RAB6A: variants seen among roughly 807,000 people sequenced by gnomAD.
RAB6A encodes the protein ras-related protein Rab-6A.
RAB6A carries 8 observed loss-of-function variants against 32.3 expected under a neutral mutation model. The ratio of observed to expected loss-of-function variants is 0.25; its 90% CI spans 0.15 to 0.45. The LOEUF is 0.45. Ranked by LOEUF, RAB6A falls within the 20% of genes least tolerant of loss-of-function variation. The pLI, the probability that RAB6A is intolerant of heterozygous loss-of-function variation, is 1.00. For synonymous variants in RAB6A, 73 were observed against 82.1 expected (o/e 0.89, Z 0.60); for missense variants, 104 against 249.4 (o/e 0.42, Z 3.93).
At chr11:73,714,802 C>T (rs1946028941) in intron 5 of RAB6A, among the ~76,000 whole-genome samples, 1 of 151,426 alleles carries the variant, frequency 6.6e-6, no homozygotes, top group Middle Eastern at 3.4e-3. Context: ...CCCGTCTCTA[C>T]TAAAAATACA....
chr11:73,755,782 G>C (rs1590897595), intron 1 of RAB6A, among the ~76,000 whole-genome samples: 1 of 149,450 alleles, frequency 6.7e-6, no homozygotes, highest in African/African-American at 2.5e-5. Flanking sequence ...AGGAAGGAAG[G>C]GAGAAAAGGA....
chr11:73,687,705 A>T (rs1243980309), intron 6 of RAB6A, among the ~76,000 whole-genome samples: 1 of 152,138 alleles, frequency 6.6e-6, no homozygotes, highest in East Asian at 1.9e-4. Context: ...AAAATACAAA[A>T]AATTAGCCAG....
chr11:73,716,215 A>C (rs1276524175), intron 5 of RAB6A, 36 bp downstream of exon 5: 15 of 1,461,390 alleles, frequency 1.0e-5, no homozygotes, highest in Non-Finnish European at 5.7e-6. Flanking sequence ...GCATCACAGA[A>C]ATCAAACATT....
intron 6 of RAB6A, among the ~76,000 whole-genome samples, chr11:73,687,100 T>C (rs1180717710): frequency 6.6e-6 from 1 of 152,082 alleles, no homozygotes; most frequent in African/African-American, 2.4e-5. Context: ...CTTGAGGACA[T>C]TATGCAAGTG....
Position 73,759,347 on chromosome 11 carries a change from C to T in RAB6A, c.70+1219G>A, listed in dbSNP as rs376011300. 2.5e-4 allele frequency among the ~76,000 whole-genome samples: 38 copies of T among 151,602 alleles called. No individual in the cohort carries two copies. The South Asian group carries it at 7.9e-3, about 32-fold the overall frequency. ...ATACAGCATAAAACTGGAATTACTACAAGAAGTAATCGTAGATACAACCAT... is the reference window on the plus strand; with the variant it reads ...ATACAGCATAAAACTGGAATTACTATAAGAAGTAATCGTAGATACAACCAT... On this transcript the variant is annotated intron_variant, in intron 1 of 7. Coordinates refer to ENST00000336083, the MANE Select transcript of RAB6A (RefSeq NM_198896.2).
At chr11:73,749,391 C>T (rs916841256) in intron 1 of RAB6A, among the ~76,000 whole-genome samples, 2 of 152,128 alleles carry the variant, frequency 1.3e-5, no homozygotes, top group African/African-American at 4.8e-5. Flanking sequence ...AGACTACATA[C>T]ACACTGGGTA....
chr11:73,759,094 G>C (rs1388378015), intron 1 of RAB6A, among the ~76,000 whole-genome samples: 2 of 152,168 alleles, frequency 1.3e-5, no homozygotes, highest in African/African-American at 4.8e-5. Flanking sequence ...AGTATAAATA[G>C]TTCAAAGTAG....
Position 73,716,176 on chromosome 11 carries a change from A to T in RAB6A, c.401+75T>A, listed in dbSNP as rs993461961. 4.2e-6 allele frequency: 5 copies of T among 1,180,208 alleles called. No individual in the cohort carries two copies. The East Asian group carries it at 1.2e-4, about 28-fold the overall frequency. 73.1% of individuals were successfully genotyped at this position (1,180,208 alleles called of 1,614,324 possible). A position where few individuals can be genotyped will look rare whatever the true frequency, so the allele number is the denominator to read the frequency against. On this transcript the variant is annotated intron_variant, in intron 5 of 7. Transcript: ENST00000336083. ...GATTAAGCATGTCTCCTTTCAAAAC[A>T]ATTTCTCAGTGAACAAAAATAAAAG...
chr11:73,714,289 T>TA lies in RAB6A; in HGVS notation c.401+1961dup, dbSNP rs1416754692. Among the ~76,000 whole-genome samples the TA allele has an allele frequency of 2.7e-5, 4 of 145,870 alleles. No individual in the cohort carries two copies. In the Middle Eastern group the frequency reaches 0.01, roughly 380 times the overall value. Reference sequence around the variant, plus strand: ...TGCACACAACTGAAATATTAAGCAATAAAAAAATCCTTATAAGCATCCTCC... The same window carrying TA: ...TGCACACAACTGAAATATTAAGCAATAAAAAAAATCCTTATAAGCATCCTCC... On this transcript the variant is annotated intron_variant, in intron 5 of 7. Coordinates refer to ENST00000336083, the MANE Select transcript of RAB6A (RefSeq NM_198896.2).
intron 5 of RAB6A, 123 bp from the exon 6 acceptor site, chr11:73,707,636 T>G (rs924256641): frequency 1.5e-5 from 9 of 614,916 alleles, no homozygotes; most frequent in Non-Finnish European, 2.2e-5. Context: ...CACATTAGTT[T>G]AAAAATTCAT....
chr11:73,688,180 T>C (rs1945490372), intron 6 of RAB6A, among the ~76,000 whole-genome samples: 2 of 152,244 alleles, frequency 1.3e-5, no homozygotes, highest in South Asian at 4.1e-4. Context: ...TATCATTCTT[T>C]GTCAAATTTT....
At chr11:73,737,445 T>G (rs1292920914) in intron 1 of RAB6A, among the ~76,000 whole-genome samples, 1 of 152,120 alleles carries the variant, frequency 6.6e-6, no homozygotes, top group Non-Finnish European at 1.5e-5. Context: ...ATCACACCAC[T>G]GCACTCCAGC....
intron 1 of RAB6A, among the ~76,000 whole-genome samples, chr11:73,755,356 C>T (rs1242936558): frequency 3.4e-5 from 5 of 146,630 alleles, no homozygotes; most frequent in African/African-American, 1.0e-4. Flanking sequence ...CGCAGTGGCA[C>T]GATCTTGGCT....
rs761676740 is a variant in RAB6A, at chr11:73,699,319, C to T, written c.495+8101G>A. 5.8e-4 allele frequency among the ~76,000 whole-genome samples: 89 copies of T among 152,150 alleles called. 1 individual carries two copies. The highest frequency in any genetic ancestry group is 1.3e-4 in the Non-Finnish European group (9 of 68,024). On this transcript the variant is annotated intron_variant, in intron 6 of 7. Coordinates refer to ENST00000336083, the MANE Select transcript of RAB6A (RefSeq NM_198896.2). ...TGTCATCCAGGCTGGAGTGCAGTGG[C>T]GTGCTAATAGCTCACTGCAACCTCC...
intron 6 of RAB6A, among the ~76,000 whole-genome samples, chr11:73,701,342 G>A (rs550030060): frequency 2.6e-5 from 4 of 152,282 alleles, no homozygotes; most frequent in African/African-American, 9.6e-5. Flanking sequence ...GTAATAACAG[G>A]CATGTAAGAC....
chr11:73,705,684 G>A (rs1489072681), intron 6 of RAB6A, among the ~76,000 whole-genome samples: 1 of 151,876 alleles, frequency 6.6e-6, no homozygotes, highest in African/African-American at 2.4e-5. Context: ...TTATTTAACT[G>A]TCTGTGGCTC....
intron 1 of RAB6A, among the ~76,000 whole-genome samples, chr11:73,752,407 G>A (rs1244505649): frequency 6.6e-6 from 1 of 152,182 alleles, no homozygotes; most frequent in African/African-American, 2.4e-5. Context: ...AGTAAGCCAA[G>A]ATTGCACCAT....
chr11:73,678,287 A>G (rs1275566730), intron 7 of RAB6A, among the ~76,000 whole-genome samples: 1 of 152,196 alleles, frequency 6.6e-6, no homozygotes, highest in Non-Finnish European at 1.5e-5. Flanking sequence ...ATAGCCTACA[A>G]GATAGTTCCA....
intron 1 of RAB6A, among the ~76,000 whole-genome samples, chr11:73,749,765 G>A (rs1487355981): frequency 6.6e-6 from 1 of 152,178 alleles, no homozygotes; most frequent in Admixed American, 6.6e-5. Flanking sequence ...GGGAGGCTAA[G>A]CCAGGAAGAC....
Sources: allele counts gnomAD v4.1 joint callset (sites outside exome capture counted in the v4.1 genomes callset), GRCh38; gene constraint gnomAD v4.1.1; transcripts MANE v1.5; gene names NCBI Gene and HGNC (gene_info 2026-07-23, HGNC 2026-07-21).